The following KCNJ3 variants were observed in gnomAD, a reference collection of about 807,000 sequenced individuals.
The protein encoded by KCNJ3 is potassium inwardly rectifying channel subfamily J member 3.
Under a neutral mutation model 39.2 loss-of-function variants are expected in KCNJ3, and 4 were observed. The observed-to-expected ratio is 0.10, with a 90% CI of 0.05 to 0.23. The LOEUF is 0.23. Among genes scored for constraint, KCNJ3 ranks in the 10% least tolerant of loss-of-function variants. KCNJ3 has a pLI of 1.00. For missense variants in KCNJ3, 276 were observed against 634.9 expected (o/e 0.43, Z 6.08); for synonymous variants, 230 against 237.4 (o/e 0.97, Z 0.29).
chr2:154,773,955 G>A (rs1686287166), intron 2 of KCNJ3, among the ~76,000 whole-genome samples: 1 of 152,010 alleles, frequency 6.6e-6, no homozygotes, highest in African/African-American at 2.4e-5. Flanking sequence ...GCCTGATGTT[G>A]TTAATTCTGT....
rs545078780 is a variant in KCNJ3, at chr2:154,789,876, G to A, written c.920-64851G>A. Among the ~76,000 whole-genome samples, 30 of 152,144 alleles carry A rather than the reference G, an allele frequency of 2.0e-4. 1 individual carries two copies. Among genetic ancestry groups the A allele is most frequent in the African/African-American group, 7.0e-4 (29 of 41,530 alleles). On this transcript the variant is annotated intron_variant, in intron 2 of 2. Coordinates refer to ENST00000295101, the MANE Select transcript of KCNJ3 (RefSeq NM_002239.4). ...GGGGAGAATAAGGATTTGCAACAAA[G>A]AGAATTTGAGGCAAAATAAAGGAAT...
chr2:154,727,793 C>T lies in KCNJ3; in HGVS notation c.919+17974C>T, dbSNP rs919767712. Among the ~76,000 whole-genome samples, 137 of 151,550 alleles carry T rather than the reference C, an allele frequency of 9.0e-4. 1 individual carries two copies. Among genetic ancestry groups the T allele is most frequent in the Non-Finnish European group, 2.8e-4 (19 of 67,924 alleles). On this transcript the variant is annotated intron_variant, in intron 2 of 2. Transcript: ENST00000295101. ...GGCGTTTATAATAGTCTAATACCTG[C>T]GAGGTCAGCTGTCATAGTAGAAAAA...
At position 154,760,347 on chromosome 2, in the gene KCNJ3, GAT is replaced by G. The variant is rs781092668; in HGVS notation, c.919+50531_919+50532del. 3.9e-5 allele frequency among the ~76,000 whole-genome samples: 6 copies of G among 152,082 alleles called. No individual in the cohort carries two copies. The East Asian group carries it at 9.6e-4, about 24-fold the overall frequency. ...ATTTTTCTGACGTAAACTTTTATGA[GAT>G]ATGTGTGTTATGACTGTTTTCTCTA... is the stretch of plus-strand genomic sequence containing the variant. On this transcript the variant is annotated intron_variant, in intron 2 of 2. Transcript: ENST00000295101.
intron 2 of KCNJ3, among the ~76,000 whole-genome samples, chr2:154,756,754 G>A (rs1025026036): frequency 1.3e-5 from 2 of 151,834 alleles, no homozygotes; most frequent in Non-Finnish European, 2.9e-5. Context: ...GGAACTTAAA[G>A]TATAATAAAA....
At chr2:154,840,420 T>TG (rs1687555027) in intron 2 of KCNJ3, among the ~76,000 whole-genome samples, 1 of 152,182 alleles carries the variant, frequency 6.6e-6, no homozygotes, top group Admixed American at 6.6e-5. Context: ...CTTGGCAATG[T>TG]GGGCTCTTTT....
intron 2 of KCNJ3, among the ~76,000 whole-genome samples, chr2:154,777,042 G>GCGCA (rs139699959): frequency 4.0e-5 from 6 of 150,126 alleles, no homozygotes; most frequent in African/African-American, 4.9e-5. Context: ...ACGTACACAC[G>GCGCA]CACACACACA....
rs769009157 is a variant in KCNJ3, at chr2:154,855,238, G to A, written c.1431G>A (p.Met477Ile). ...ATTTGCCACCAAAGCTTCAAAAGAT[G>A]GCTGGAGGAGCAGCTAGGATGGAAG... ...VADLPPKLQK[M>I]AGGAARMEGN... Residue 477 changes from methionine to isoleucine, a missense_variant, in exon 3 of 3, where the codon ATG becomes ATA. Met to Ile is a conservative substitution (Grantham distance 10, BLOSUM62 1). Around this residue, in one of 4 missense-constraint regions of KCNJ3, gnomAD observed 126 missense variants for 179.8 expected, o/e 0.70. Coordinates refer to ENST00000295101, the MANE Select transcript of KCNJ3 (RefSeq NM_002239.4). 3 of 1,613,720 alleles carry A rather than the reference G, an allele frequency of 1.9e-6. No individual in the cohort carries two copies. Among genetic ancestry groups the A allele is most frequent in the Non-Finnish European group, 2.5e-6 (3 of 1,179,926 alleles).
At chr2:154,704,869 G>A (rs1684974763) in intron 1 of KCNJ3, among the ~76,000 whole-genome samples, 1 of 151,982 alleles carries the variant, frequency 6.6e-6, no homozygotes, top group Admixed American at 6.6e-5. Context: ...TATTCAGCAT[G>A]CACACACACA....
chr2:154,776,005 CTT>C (rs397872416), intron 2 of KCNJ3, among the ~76,000 whole-genome samples: 2 of 144,784 alleles, frequency 1.4e-5, no homozygotes, highest in Admixed American at 6.9e-5. Flanking sequence ...AGAAGTGATT[CTT>C]TTTTTTTTTT....
chr2:154,836,942 T>C lies in KCNJ3; in HGVS notation c.920-17785T>C, dbSNP rs1687476015. Reference sequence around the variant, plus strand: ...TGGCAGCCTATGTAAAGAGTAAGACTCATGAGTTGGGGTAAAACAATTTTA... The same window carrying C: ...TGGCAGCCTATGTAAAGAGTAAGACCCATGAGTTGGGGTAAAACAATTTTA... On this transcript the variant is annotated intron_variant, in intron 2 of 2. Coordinates refer to ENST00000295101, the MANE Select transcript of KCNJ3 (RefSeq NM_002239.4). Among the ~76,000 whole-genome samples the C allele has an allele frequency of 2.0e-5, 3 of 152,186 alleles. No individual in the cohort carries two copies. In the South Asian group the frequency reaches 6.2e-4, roughly 32 times the overall value.
At chr2:154,825,232 T>C (rs569713604) in intron 2 of KCNJ3, among the ~76,000 whole-genome samples, 6 of 152,258 alleles carry the variant, frequency 3.9e-5, no homozygotes, top group African/African-American at 1.4e-4. Context: ...TTCTCACTCT[T>C]CTTGACCTCA....
At chr2:154,833,132 T>C (rs1416254618) in intron 2 of KCNJ3, among the ~76,000 whole-genome samples, 1 of 152,246 alleles carries the variant, frequency 6.6e-6, no homozygotes, top group African/African-American at 2.4e-5. Flanking sequence ...GGTAAATCTT[T>C]ATGTCAATCA....
chr2:154,769,932 C>T (rs1247446483), intron 2 of KCNJ3, among the ~76,000 whole-genome samples: 1 of 152,030 alleles, frequency 6.6e-6, no homozygotes, highest in African/African-American at 2.4e-5. Context: ...GGTATCATTC[C>T]TCCTTTGATA....
intron 2 of KCNJ3, among the ~76,000 whole-genome samples, chr2:154,802,920 T>C (rs1228589142): frequency 3.9e-5 from 6 of 152,006 alleles, no homozygotes; most frequent in Non-Finnish European, 4.4e-5. Flanking sequence ...GTTTACAGAT[T>C]CTAGATTTTG....
chr2:154,735,962 T>C (rs1558860059), intron 2 of KCNJ3, among the ~76,000 whole-genome samples: 1 of 152,164 alleles, frequency 6.6e-6, no homozygotes, highest in Non-Finnish European at 1.5e-5. Context: ...ATTTGATACA[T>C]TAAAATCTGT....
intron 2 of KCNJ3, among the ~76,000 whole-genome samples, chr2:154,727,688 G>A (rs1360455752): frequency 6.6e-6 from 1 of 150,448 alleles, no homozygotes; most frequent in Non-Finnish European, 1.5e-5. Flanking sequence ...GGTTCAATAT[G>A]ATTTCTCACG....
intron 1 of KCNJ3, among the ~76,000 whole-genome samples, chr2:154,708,542 T>C (rs946037897): frequency 1.2e-4 from 18 of 152,132 alleles, no homozygotes; most frequent in Non-Finnish European, 2.9e-5. Flanking sequence ...TGACCAGCAG[T>C]ATGCTCCACC....
At chr2:154,708,879 T>G (rs1055472600) in intron 1 of KCNJ3, among the ~76,000 whole-genome samples, 1 of 152,200 alleles carries the variant, frequency 6.6e-6, no homozygotes, top group Non-Finnish European at 1.5e-5. Flanking sequence ...AATTGCATTT[T>G]GATTAAAGAA....
At chr2:154,784,175 A>G (rs553539550) in intron 2 of KCNJ3, among the ~76,000 whole-genome samples, 87 of 152,358 alleles carry the variant, frequency 5.7e-4, no homozygotes, top group African/African-American at 2.0e-3. Context: ...ACCATGTTTA[A>G]TATTTAAAAT....
Sources: gnomAD v4.1 joint callset for allele counts (sites outside exome capture counted in the v4.1 genomes callset) on GRCh38, gnomAD v4.1.1 for gene constraint, gnomAD v4.1.1 regional missense constraint, MANE v1.5 for transcripts, NCBI Gene and HGNC (gene_info 2026-07-23, HGNC 2026-07-21) for gene names.